Variants in INSL6 observed in about 807,000 individuals in gnomAD.
The protein encoded by INSL6 is insulin like 6.
INSL6 carries 16 observed loss-of-function variants against 9.4 expected under a neutral mutation model. That is an observed-to-expected ratio of 1.70 (90% CI 1.15 to 2.59). The LOEUF is 2.59. Among genes scored for constraint, INSL6 ranks in the 30% most tolerant of loss-of-function variants. The probability of loss-of-function intolerance (pLI) is 0.00; values close to 1 mark genes in which losing one functional copy is unlikely to be tolerated. For synonymous variants in INSL6, 154 were observed against 96.9 expected (o/e 1.59, Z -3.46); for missense variants, 391 against 257.3 (o/e 1.52, Z -3.56).
In INSL6 at chr9:5,146,656, C is replaced by T. The variant is rs571543964; in HGVS notation, c.377-13064G>A. On this transcript the variant is annotated intron_variant, in intron 2 of 3. Coordinates refer to the INSL6 transcript ENST00000649639. Reference sequence around the variant, plus strand: ...GTGCCCACCAAGGCTCCATCTGCAACGGCAGTCAACAGGGGTTGAGAGGAA... The same window carrying T: ...GTGCCCACCAAGGCTCCATCTGCAATGGCAGTCAACAGGGGTTGAGAGGAA... 1.9e-4 allele frequency among the ~76,000 whole-genome samples: 29 copies of T among 152,346 alleles called. No homozygotes were observed. In the South Asian group the frequency reaches 5.2e-3, roughly 27 times the overall value.
At chr9:5,132,119 T>C (rs1003917260) in intron 3 of INSL6, 2 of 152,204 alleles carry the variant, frequency 1.3e-5, no homozygotes, top group Non-Finnish European at 2.9e-5. Context: ...TTGAAGGACT[T>C]TGAAAAATGT....
chr9:5,080,404 G>C, the INSL6 span: 1 of 1,578,430 alleles, frequency 6.3e-7, no homozygotes, highest in Non-Finnish European at 8.6e-7. Context: ...GACTAAGTTA[G>C]AATTACTCTA....
At chr9:5,058,502 C>T in the INSL6 span, among the ~76,000 whole-genome samples, 3 of 152,146 alleles carry the variant, frequency 2.0e-5, no homozygotes, top group Admixed American at 6.5e-5. Context: ...GTCCCTCCCT[C>T]GACACATGGG....
At chr9:5,155,920 T>TA (rs1564044986) in intron 2 of INSL6, among the ~76,000 whole-genome samples, 1 of 149,534 alleles carries the variant, frequency 6.7e-6, no homozygotes, top group African/African-American at 2.5e-5. Flanking sequence ...AAGTATAATT[T>TA]AAAAAAAGAA....
chr9:5,013,154 T>G, the INSL6 span, among the ~76,000 whole-genome samples: 25 of 152,230 alleles, frequency 1.6e-4, no homozygotes, highest in Non-Finnish European at 3.2e-4. Context: ...GTATTTTCTT[T>G]CTTGCTCAAT....
chr9:5,098,055 T>C, the INSL6 span: 1 of 152,236 alleles, frequency 6.6e-6, no homozygotes, highest in Admixed American at 6.5e-5. Context: ...GCAGCAGTTA[T>C]GCTAACAATT....
chr9:5,173,817 G>C (rs372499445), intron 1 of INSL6, among the ~76,000 whole-genome samples: 1 of 150,192 alleles, frequency 6.7e-6, no homozygotes, highest in East Asian at 1.9e-4. Flanking sequence ...CCAGAAACAC[G>C]AGGACAGGTC....
the INSL6 span, chr9:5,069,779 A>G: frequency 2.7e-5 from 11 of 415,002 alleles, no homozygotes; most frequent in Admixed American, 2.2e-4. Flanking sequence ...GTTGACCCCT[A>G]AAATAATTTT....
At chr9:5,113,823 C>CAT in the INSL6 span, 1 of 177,844 alleles carries the variant, frequency 5.6e-6, no homozygotes, top group Non-Finnish European at 1.2e-5. Flanking sequence ...CTCTGTGGTC[C>CAT]GCAGACCAGG....
the INSL6 span, among the ~76,000 whole-genome samples, chr9:5,059,398 A>G: frequency 2.0e-5 from 3 of 152,148 alleles, no homozygotes; most frequent in Non-Finnish European, 4.4e-5. Flanking sequence ...GTGTCAGTTC[A>G]TTCCTTTTTA....
chr9:5,085,397 G>T, the INSL6 span: 4 of 823,276 alleles, frequency 4.9e-6, no homozygotes, highest in Admixed American at 1.7e-5. Flanking sequence ...GGGCATCCTA[G>T]AACAGAGACT....
chr9:5,159,359 AT>A (rs56260209), downstream of INSL6, among the ~76,000 whole-genome samples: 149,229 of 149,744 alleles, frequency 1, 74,359 homozygotes, highest in East Asian at 1. Context: ...GTCAGAATGG[AT>A]TTTTTTTTTT....
downstream of INSL6, among the ~76,000 whole-genome samples, chr9:5,121,530 C>G (rs1193915647): frequency 2.0e-5 from 3 of 152,106 alleles, no homozygotes; most frequent in Non-Finnish European, 4.4e-5. Flanking sequence ...GGCTTCTACT[C>G]CCACAGAAAC....
chr9:5,185,370 TATGGGCTGTAGGC>T lies in INSL6; in HGVS notation c.220_232del (p.Ala74ThrfsTer28), dbSNP rs1457558394. The T allele has an allele frequency of 5.6e-6, 9 of 1,613,932 alleles. No individual in the cohort carries two copies. The highest frequency in any genetic ancestry group is 7.6e-6 in the Non-Finnish European group (9 of 1,180,000). ...AGCGGTTTGCGGGCTTTCGAACTGG[TATGGGCTGTAGGC>T]TTCGACCTTCTCCGAGGCCTGTGCA... On this transcript the variant is annotated frameshift_variant, in exon 1 of 2. Transcript: ENST00000381641. LOFTEE classifies it high-confidence loss of function.
At chr9:5,072,707 T>G in the INSL6 span, 1 of 1,063,346 alleles carries the variant, frequency 9.4e-7, no homozygotes, top group Non-Finnish European at 1.3e-6. Flanking sequence ...TACTCATGTG[T>G]GCAGCTTTTC....
the INSL6 span, among the ~76,000 whole-genome samples, chr9:5,063,002 A>G: frequency 6.6e-6 from 1 of 151,844 alleles, no homozygotes; most frequent in Non-Finnish European, 1.5e-5. Flanking sequence ...AAGTCTTTTA[A>G]TTTTGTTTAG....
chr9:5,121,772 T>C (rs892460751), downstream of INSL6, among the ~76,000 whole-genome samples: 1 of 152,208 alleles, frequency 6.6e-6, no homozygotes, highest in Non-Finnish European at 1.5e-5. Flanking sequence ...ATTAATTTTG[T>C]TCTTTTTAAA....
At chr9:5,130,146 G>A (rs10974972) in intron 3 of INSL6, among the ~76,000 whole-genome samples, 52,404 of 151,982 alleles carry the variant, frequency 0.34, 9,488 homozygotes, top group African/African-American at 0.47. Flanking sequence ...ATAGCAAATT[G>A]CTTAACATTT....
the INSL6 span, chr9:5,044,547 A>C: frequency 7.9e-7 from 1 of 1,273,514 alleles, no homozygotes; most frequent in Non-Finnish European, 1.1e-6. Context: ...TTACTTGTAC[A>C]TGAGTTAAAT....
Sources: allele counts gnomAD v4.1 joint callset (sites outside exome capture counted in the v4.1 genomes callset), GRCh38; gene constraint gnomAD v4.1.1; transcripts MANE v1.5; gene names NCBI Gene and HGNC (gene_info 2026-07-23, HGNC 2026-07-21).